OPCML: variants seen among roughly 807,000 people sequenced by gnomAD.
OPCML encodes opioid-binding protein/cell adhesion molecule.
A neutral mutation model predicts 37.8 loss-of-function variants in OPCML; 13 were observed. That is an observed-to-expected ratio of 0.34 (90% confidence interval 0.22 to 0.55). OPCML has a LOEUF of 0.55. Ranked by LOEUF, OPCML falls within the 20% of genes least tolerant of loss-of-function variation. The pLI, the probability that OPCML is intolerant of heterozygous loss-of-function variation, is 0.91. For synonymous variants in OPCML, 176 were observed against 168.8 expected (o/e 1.04, Z -0.33); for missense variants, 341 against 435.6 (o/e 0.78, Z 1.93).
chr11:132,826,621 T>G (rs1565892114), intron 2 of OPCML, among the ~76,000 whole-genome samples: 1 of 152,216 alleles, frequency 6.6e-6, no homozygotes, highest in Non-Finnish European at 1.5e-5. Flanking sequence ...CAAAACTGCC[T>G]CAAGGTTTTT....
chr11:132,503,524 A>T (rs1221904047), intron 4 of OPCML, among the ~76,000 whole-genome samples: 1 of 152,200 alleles, frequency 6.6e-6, no homozygotes, highest in Non-Finnish European at 1.5e-5. Context: ...GTGTGTCTGA[A>T]ACTAATGCCA....
At chr11:133,377,317 C>T (rs1006553147) in intron 1 of OPCML, among the ~76,000 whole-genome samples, 1 of 152,116 alleles carries the variant, frequency 6.6e-6, no homozygotes, top group Non-Finnish European at 1.5e-5. Context: ...TGTCTCTCAG[C>T]TCAAGATGTT....
intron 2 of OPCML, among the ~76,000 whole-genome samples, chr11:132,788,500 C>T (rs1937662264): frequency 1.3e-5 from 2 of 152,156 alleles, no homozygotes; most frequent in Non-Finnish European, 2.9e-5. Context: ...TTCCTCACTT[C>T]CCCTCTTCCT....
chr11:133,405,306 G>A (rs1467659265), intron 1 of OPCML, among the ~76,000 whole-genome samples: 3 of 152,132 alleles, frequency 2.0e-5, no homozygotes, highest in Admixed American at 6.5e-5. Context: ...TGAATCTGGG[G>A]GCACATAAAA....
intron 1 of OPCML, among the ~76,000 whole-genome samples, chr11:133,258,563 C>T (rs1175141461): frequency 1.3e-5 from 2 of 152,114 alleles, no homozygotes; most frequent in African/African-American, 4.8e-5. Flanking sequence ...AGGAGGTTTT[C>T]CTGAGCATGG....
chr11:132,970,267 G>A (rs981042300), intron 1 of OPCML, among the ~76,000 whole-genome samples: 1 of 152,000 alleles, frequency 6.6e-6, no homozygotes, highest in African/African-American at 2.4e-5. Flanking sequence ...AATTATATAG[G>A]CACATACGAA....
Position 133,018,781 on chromosome 11 carries a change from C to A in OPCML, c.62-75771G>T, listed in dbSNP as rs551809844. 2.6e-5 allele frequency among the ~76,000 whole-genome samples: 4 copies of A among 152,324 alleles called. No homozygotes were observed. In the East Asian group the frequency reaches 7.7e-4, roughly 29 times the overall value. The stretch of plus-strand genomic sequence containing the variant: ...AGCATCACCTATGGCCCCGTGTACC[C>A]CGAGGCACACGCTGTGTCGTCCCCC... On this transcript the variant is annotated intron_variant, in intron 1 of 7. Transcript: ENST00000524381.
intron 2 of OPCML, among the ~76,000 whole-genome samples, chr11:132,829,346 C>G (rs895937755): frequency 6.6e-6 from 1 of 152,104 alleles, no homozygotes; most frequent in Admixed American, 6.5e-5. Context: ...TATTGAAACC[C>G]TCTGAGATAG....
intron 2 of OPCML, among the ~76,000 whole-genome samples, chr11:132,792,651 G>A (rs2136182734): frequency 6.6e-6 from 1 of 152,194 alleles, no homozygotes; most frequent in East Asian, 1.9e-4. Flanking sequence ...AAGCAGGCCA[G>A]GATGGAAGGG....
At chr11:132,670,160 A>G (rs567215280) in intron 2 of OPCML, among the ~76,000 whole-genome samples, 1 of 152,320 alleles carries the variant, frequency 6.6e-6, no homozygotes, top group Non-Finnish European at 1.5e-5. Context: ...ACTCACGACC[A>G]TGTCTGTCTC....
chr11:133,258,531 G>C (rs115546505), intron 1 of OPCML, among the ~76,000 whole-genome samples: 1 of 152,270 alleles, frequency 6.6e-6, no homozygotes, highest in South Asian at 2.1e-4. Context: ...TCCACCAGAG[G>C]TTATGATGAT....
chr11:132,632,707 A>C (rs1940229765), intron 3 of OPCML, among the ~76,000 whole-genome samples: 1 of 152,038 alleles, frequency 6.6e-6, no homozygotes, highest in Non-Finnish European at 1.5e-5. Context: ...TCTCTTTGGT[A>C]TGTGAGATAT....
intron 1 of OPCML, among the ~76,000 whole-genome samples, chr11:133,120,708 G>A (rs1949407131): frequency 6.6e-6 from 1 of 152,184 alleles, no homozygotes; most frequent in African/African-American, 2.4e-5. Flanking sequence ...GGAGGGGTTA[G>A]TTTTGTGAAC....
rs566797730 is a variant in OPCML, at chr11:132,448,760, A to G, written c.506-11401T>C. 2.6e-5 allele frequency among the ~76,000 whole-genome samples: 4 copies of G among 152,348 alleles called. No homozygotes were observed. In the East Asian group the frequency reaches 7.7e-4, roughly 29 times the overall value. On this transcript the variant is annotated intron_variant, in intron 4 of 7. Coordinates refer to ENST00000524381, the MANE Select transcript of OPCML (RefSeq NM_001012393.5). Reference sequence around the variant, plus strand: ...TGACTCATGCTAACAGTAGAACTCAAGGAGGAAACCACTGAATTTGAGATC... The same window carrying G: ...TGACTCATGCTAACAGTAGAACTCAGGGAGGAAACCACTGAATTTGAGATC...
intron 1 of OPCML, among the ~76,000 whole-genome samples, chr11:133,158,430 G>T (rs2137209655): frequency 6.6e-6 from 1 of 152,240 alleles, no homozygotes; most frequent in South Asian, 2.1e-4. Flanking sequence ...GGCCAGGCAT[G>T]GTGGCTCACG....
At chr11:132,505,042 A>G (rs1318268915) in intron 4 of OPCML, among the ~76,000 whole-genome samples, 1 of 152,298 alleles carries the variant, frequency 6.6e-6, no homozygotes, top group Admixed American at 6.5e-5. Context: ...CAAGAAAAAA[A>G]GTACCATTTC....
chr11:133,164,816 A>G, intron 1 of OPCML, among the ~76,000 whole-genome samples: 1 of 152,220 alleles, frequency 6.6e-6, no homozygotes, highest in Non-Finnish European at 1.5e-5. Context: ...CAGGATTAGG[A>G]TCCCTTGCCT....
rs2891028 is a variant in OPCML, at chr11:133,108,578, T to C, written c.62-165568A>G. Among the ~76,000 whole-genome samples the C allele has an allele frequency of 3.4e-3, 510 of 151,938 alleles. 2 individuals carry two copies. Among genetic ancestry groups the C allele is most frequent in the African/African-American group, 0.011 (447 of 41,438 alleles). On this transcript the variant is annotated intron_variant, in intron 1 of 7. Coordinates refer to ENST00000524381, the MANE Select transcript of OPCML (RefSeq NM_001012393.5). ...ATCTTGTAAAGAAGCCACTACATTA[T>C]ACACACACACACGCACAGACACACA...
chr11:132,688,469 G>T (rs1201561823), intron 2 of OPCML, among the ~76,000 whole-genome samples: 1 of 152,150 alleles, frequency 6.6e-6, no homozygotes, highest in South Asian at 2.1e-4. Flanking sequence ...TGAAATCCAG[G>T]ATATTGGATG....
Sources: allele counts gnomAD v4.1 joint callset (sites outside exome capture counted in the v4.1 genomes callset), GRCh38; gene constraint gnomAD v4.1.1; transcripts MANE v1.5; gene names NCBI Gene and HGNC (gene_info 2026-07-23, HGNC 2026-07-21).